The following ARHGAP15 variants were observed in gnomAD, a reference collection of about 807,000 sequenced individuals.
ARHGAP15 encodes the protein Rho GTPase activating protein 15.
ARHGAP15 carries 51 observed loss-of-function variants against 63.7 expected under a neutral mutation model. That is an observed-to-expected ratio of 0.80 (90% confidence interval 0.64 to 1.01). The LOEUF (loss-of-function observed/expected upper bound fraction) is 1.01, where lower values mean the gene tolerates loss of function less well. ARHGAP15 is among the 50% of genes least tolerant of loss of function. The pLI is 0.00. For synonymous variants in ARHGAP15, 191 were observed against 193.8 expected (o/e 0.99, Z 0.12); for missense variants, 560 against 564.6 (o/e 0.99, Z 0.08).
chr2:143,678,514 G>A (rs1559121482), intron 12 of ARHGAP15, among the ~76,000 whole-genome samples: 4 of 152,168 alleles, frequency 2.6e-5, no homozygotes, highest in Non-Finnish European at 5.9e-5. Context: ...TCACAACAGC[G>A]AGCATTAGCC....
intron 11 of ARHGAP15, among the ~76,000 whole-genome samples, chr2:143,589,526 G>A (rs925662307): frequency 7.2e-5 from 11 of 152,254 alleles, no homozygotes; most frequent in Admixed American, 2.6e-4. Context: ...TTACTCAAAG[G>A]CCCCATCTAG....
At chr2:143,739,434 G>A (rs1368521899) in intron 13 of ARHGAP15, among the ~76,000 whole-genome samples, 1 of 152,090 alleles carries the variant, frequency 6.6e-6, no homozygotes, top group Non-Finnish European at 1.5e-5. Context: ...GAGCTGGCAA[G>A]GTCCATAGGC....
At chr2:143,690,932 G>A (rs903553600) in intron 12 of ARHGAP15, among the ~76,000 whole-genome samples, 3 of 152,064 alleles carry the variant, frequency 2.0e-5, no homozygotes, top group South Asian at 2.1e-4. Flanking sequence ...CATATCCCCC[G>A]TGATCAGAGT....
intron 1 of ARHGAP15, among the ~76,000 whole-genome samples, chr2:143,149,459 C>G (rs758562423): frequency 1.2e-4 from 18 of 151,930 alleles, no homozygotes; most frequent in Non-Finnish European, 2.4e-4. Context: ...AAGTACCTAT[C>G]CAAATCTGAA....
chr2:143,514,214 C>T (rs1045345703), intron 9 of ARHGAP15, among the ~76,000 whole-genome samples: 2 of 152,050 alleles, frequency 1.3e-5, no homozygotes, highest in African/African-American at 4.8e-5. Context: ...TGGCTTATAA[C>T]CTGCATGAAA....
At chr2:143,235,476 T>C (rs1050145445) in intron 5 of ARHGAP15, among the ~76,000 whole-genome samples, 2 of 152,132 alleles carry the variant, frequency 1.3e-5, no homozygotes, top group Non-Finnish European at 2.9e-5. Flanking sequence ...GAGAAAAGGA[T>C]TGAGAAGAGT....
intron 6 of ARHGAP15, among the ~76,000 whole-genome samples, chr2:143,339,711 A>G (rs1354056724): frequency 1.3e-5 from 2 of 152,124 alleles, no homozygotes; most frequent in Non-Finnish European, 2.9e-5. Flanking sequence ...CACGGTGCCT[A>G]TGGTTTTGTC....
intron 12 of ARHGAP15, among the ~76,000 whole-genome samples, chr2:143,702,190 G>T (rs998464216): frequency 2.0e-5 from 3 of 152,212 alleles, no homozygotes; most frequent in Non-Finnish European, 2.9e-5. Context: ...GTATAGAAAG[G>T]AAAGTGCATG....
At chr2:143,765,775 C>G (rs1686927485) in intron 13 of ARHGAP15, among the ~76,000 whole-genome samples, 1 of 151,972 alleles carries the variant, frequency 6.6e-6, no homozygotes. Flanking sequence ...GTGATGCTTC[C>G]ACAGGTACTG....
intron 2 of ARHGAP15, among the ~76,000 whole-genome samples, chr2:143,160,588 G>T (rs1463077523): frequency 6.6e-6 from 1 of 151,910 alleles, no homozygotes; most frequent in Non-Finnish European, 1.5e-5. Context: ...AATAATAAAA[G>T]AAACAAGATT....
intron 8 of ARHGAP15, among the ~76,000 whole-genome samples, chr2:143,442,202 A>G (rs926352930): frequency 3.3e-5 from 5 of 152,196 alleles, no homozygotes; most frequent in Non-Finnish European, 7.4e-5. Flanking sequence ...TTCTACAACT[A>G]TAAGTAGGCT....
chr2:143,173,591 C>G (rs1330849891), intron 2 of ARHGAP15, among the ~76,000 whole-genome samples: 2 of 151,928 alleles, frequency 1.3e-5, no homozygotes, highest in Non-Finnish European at 2.9e-5. Flanking sequence ...AAGCTACACA[C>G]AGATAATAAA....
chr2:143,732,132 T>C (rs764382097), intron 13 of ARHGAP15, among the ~76,000 whole-genome samples: 8 of 152,308 alleles, frequency 5.3e-5, no homozygotes, highest in Non-Finnish European at 1.2e-4. Flanking sequence ...GGGAAAATAA[T>C]AAGAAATTCT....
chr2:143,723,825 G>A (rs1559145765), intron 13 of ARHGAP15, among the ~76,000 whole-genome samples: 1 of 152,330 alleles, frequency 6.6e-6, no homozygotes, highest in Middle Eastern at 3.4e-3. Context: ...AGTAGACACA[G>A]AGAAAAACTG....
At chr2:143,229,115 T>C (rs904040184) in intron 5 of ARHGAP15, among the ~76,000 whole-genome samples, 6 of 152,268 alleles carry the variant, frequency 3.9e-5, no homozygotes, top group South Asian at 4.1e-4. Context: ...TTAAACCATG[T>C]ATGTGCATCT....
intron 11 of ARHGAP15, among the ~76,000 whole-genome samples, chr2:143,612,145 C>T (rs1438422562): frequency 6.6e-6 from 1 of 152,190 alleles, no homozygotes; most frequent in Non-Finnish European, 1.5e-5. Context: ...ATAACAGTTA[C>T]ACTTTTCCCT....
intron 2 of ARHGAP15, among the ~76,000 whole-genome samples, chr2:143,157,984 A>T (rs530493807): frequency 3.5e-4 from 53 of 151,970 alleles, no homozygotes; most frequent in African/African-American, 1.3e-3. Flanking sequence ...TACAGAAAAA[A>T]ATCAAAAGTA....
intron 11 of ARHGAP15, among the ~76,000 whole-genome samples, chr2:143,611,135 G>A (rs1326564988): frequency 6.6e-6 from 1 of 151,968 alleles, no homozygotes; most frequent in African/African-American, 2.4e-5. Flanking sequence ...GCTGATCATT[G>A]GAAATAAATT....
intron 6 of ARHGAP15, among the ~76,000 whole-genome samples, chr2:143,322,287 G>A (rs142026451): frequency 6.6e-5 from 10 of 152,254 alleles, no homozygotes; most frequent in East Asian, 3.9e-4. Flanking sequence ...AAGAAAATCC[G>A]TGATCTAAGT....
Sources: allele counts gnomAD v4.1 joint callset (sites outside exome capture counted in the v4.1 genomes callset), GRCh38; gene constraint gnomAD v4.1.1; transcripts MANE v1.5; gene names NCBI Gene and HGNC (gene_info 2026-07-23, HGNC 2026-07-21).